KALRN: variants seen among roughly 807,000 people sequenced by gnomAD.
KALRN encodes kalirin RhoGEF kinase, also known as kalirin.
Under a neutral mutation model 353.7 loss-of-function variants are expected in KALRN, and 70 were observed. The observed-to-expected ratio is 0.20, with a 90% confidence interval of 0.16 to 0.24. The LOEUF is 0.24. Among genes scored for constraint, KALRN ranks in the 10% least tolerant of loss-of-function variants. The pLI is 1.00. For synonymous variants in KALRN, 1,391 were observed against 1,434.8 expected (o/e 0.97, Z 0.69); for missense variants, 2,791 against 3,756.7 (o/e 0.74, Z 6.72).
Position 124,639,802 on chromosome 3 carries a change from C to A in KALRN, c.5664+2499C>A, listed in dbSNP as rs148564947. Among the ~76,000 whole-genome samples, 140 of 152,324 alleles carry A rather than the reference C, an allele frequency of 9.2e-4. 1 individual carries two copies. Among genetic ancestry groups the A allele is most frequent in the Non-Finnish European group, 1.1e-3 (75 of 68,024 alleles). ...AGCAATAACTACTCTTGAGGACCTA[C>A]AGTAAGCCCAGAATTAGAGCTATCT... On this transcript the variant is annotated intron_variant, in intron 37 of 59. Coordinates refer to ENST00000682506, the MANE Select transcript of KALRN (RefSeq NM_001388419.1).
chr3:124,397,412 C>T (rs1339784371), intron 12 of KALRN, among the ~76,000 whole-genome samples: 1 of 152,182 alleles, frequency 6.6e-6, no homozygotes, highest in Non-Finnish European at 1.5e-5. Flanking sequence ...AACTCAAATA[C>T]CATTGCTTCT....
chr3:124,212,875 T>C (rs2077017978), intron 1 of KALRN, among the ~76,000 whole-genome samples: 1 of 152,164 alleles, frequency 6.6e-6, no homozygotes, highest in South Asian at 2.1e-4. Context: ...AGTGGACTGC[T>C]TTTTCTTATG....
chr3:124,424,363 A>C (rs1235171594), intron 15 of KALRN, among the ~76,000 whole-genome samples: 1 of 152,216 alleles, frequency 6.6e-6, no homozygotes, highest in Admixed American at 6.5e-5. Flanking sequence ...CTACTGATTT[A>C]GTATGAGAGC....
chr3:124,668,117 C>T (rs1324928463), intron 47 of KALRN, among the ~76,000 whole-genome samples: 1 of 151,138 alleles, frequency 6.6e-6, no homozygotes, highest in African/African-American at 2.4e-5. Flanking sequence ...TATACCACCT[C>T]TTCCTGCCTG....
At chr3:124,641,602 A>T (rs1251292676) in intron 37 of KALRN, among the ~76,000 whole-genome samples, 2 of 152,208 alleles carry the variant, frequency 1.3e-5, no homozygotes, top group Non-Finnish European at 2.9e-5. Flanking sequence ...GATTCTGTCT[A>T]TTCAAATCTA....
intron 1 of KALRN, chr3:124,152,598 T>TC (rs1491082208): frequency 1.4e-5 from 7 of 496,062 alleles, no homozygotes; most frequent in African/African-American, 4.1e-5. Context: ...TCTTTCTTTT[T>TC]TTTTTTTTTT....
chr3:124,442,500 G>A (rs2093699250), intron 19 of KALRN, among the ~76,000 whole-genome samples: 1 of 152,204 alleles, frequency 6.6e-6, no homozygotes, highest in Non-Finnish European at 1.5e-5. Context: ...GTGTCTTATA[G>A]CCTAGGAACA....
At chr3:124,631,557 T>G (rs1401135489) in intron 34 of KALRN, among the ~76,000 whole-genome samples, 1 of 152,160 alleles carries the variant, frequency 6.6e-6, no homozygotes, top group African/African-American at 2.4e-5. Context: ...TATTGGCCCT[T>G]CCAGCAAAAC....
chr3:124,596,551 A>G (rs980582599), intron 34 of KALRN, among the ~76,000 whole-genome samples: 1 of 152,200 alleles, frequency 6.6e-6, no homozygotes, highest in Non-Finnish European at 1.5e-5. Context: ...GATGCTTTAC[A>G]TTATTTTTTT....
intron 34 of KALRN, among the ~76,000 whole-genome samples, chr3:124,603,254 C>T (rs896148700): frequency 1.3e-5 from 2 of 152,200 alleles, no homozygotes; most frequent in Non-Finnish European, 2.9e-5. Flanking sequence ...TGTTTGTCTC[C>T]TAAAATAGTA....
chr3:124,602,295 T>C (rs2076890421), intron 34 of KALRN, among the ~76,000 whole-genome samples: 2 of 152,154 alleles, frequency 1.3e-5, no homozygotes, highest in African/African-American at 2.4e-5. Context: ...TTAAGTGATA[T>C]GCCCATCCTT....
At chr3:124,183,646 A>G (rs2073885147) in intron 1 of KALRN, among the ~76,000 whole-genome samples, 1 of 152,176 alleles carries the variant, frequency 6.6e-6, no homozygotes, top group Non-Finnish European at 1.5e-5. Context: ...AGCCATCTGT[A>G]TCTGCAGGCC....
chr3:124,678,367 C>A, intron 50 of KALRN, 54 bp downstream of exon 50: 5 of 1,586,810 alleles, frequency 3.2e-6, no homozygotes, highest in Non-Finnish European at 4.3e-6. Flanking sequence ...TCCCACCCTG[C>A]AGCATTCTCA....
intron 6 of KALRN, among the ~76,000 whole-genome samples, chr3:124,324,849 T>C (rs1205777735): frequency 1.3e-5 from 2 of 152,156 alleles, no homozygotes; most frequent in Non-Finnish European, 2.9e-5. Flanking sequence ...CTAGAGAAAA[T>C]GCTGTTACTG....
At chr3:124,326,263 A>G (rs1394595339) in intron 7 of KALRN, 92 bp downstream of exon 7, 1 of 991,878 alleles carries the variant, frequency 1.0e-6, no homozygotes. Flanking sequence ...CACTCTCTAT[A>G]GGGAGCTCCA....
At chr3:124,314,648 C>T (rs1040132139) in intron 6 of KALRN, among the ~76,000 whole-genome samples, 1 of 152,148 alleles carries the variant, frequency 6.6e-6, no homozygotes, top group Non-Finnish European at 1.5e-5. Context: ...ATGAAAGACA[C>T]TGGCATGTAG....
chr3:124,589,776 G>A (rs2075588326), intron 34 of KALRN, among the ~76,000 whole-genome samples: 1 of 152,098 alleles, frequency 6.6e-6, no homozygotes, highest in Non-Finnish European at 1.5e-5. Flanking sequence ...AACCCCTGCG[G>A]GTACCAAACT....
chr3:124,385,265 A>C (rs1465106793), intron 11 of KALRN, among the ~76,000 whole-genome samples: 3 of 152,180 alleles, frequency 2.0e-5, no homozygotes, highest in Admixed American at 2.0e-4. Flanking sequence ...TCATGGAGAC[A>C]GGTGGTTTTC....
chr3:124,692,928 G>GA, intron 51 of KALRN, among the ~76,000 whole-genome samples: 1 of 152,290 alleles, frequency 6.6e-6, no homozygotes, highest in African/African-American at 2.4e-5. Flanking sequence ...AAGATGGGGG[G>GA]AAAAGTGACC....
Sources: allele counts gnomAD v4.1 joint callset (sites outside exome capture counted in the v4.1 genomes callset), GRCh38; gene constraint gnomAD v4.1.1; transcripts MANE v1.5; gene names NCBI Gene and HGNC (gene_info 2026-07-23, HGNC 2026-07-21).